The following EDN1 variants were observed in gnomAD, a reference collection of about 807,000 sequenced individuals.
EDN1 encodes the protein endothelin 1.
EDN1 carries 11 observed loss-of-function variants against 21.7 expected under a neutral mutation model. The observed-to-expected ratio is 0.51, with a 90% CI of 0.32 to 0.84. The LOEUF is 0.84. Ranked by LOEUF, EDN1 falls within the 40% of genes least tolerant of loss-of-function variation. The probability of loss-of-function intolerance (pLI) is 0.03; values close to 1 mark genes in which losing one functional copy is unlikely to be tolerated. For missense variants in EDN1, 244 were observed against 262.3 expected (o/e 0.93, Z 0.48); for synonymous variants, 85 against 90.6 (o/e 0.94, Z 0.35).
At chr6:12,292,780 A>G (rs1248221607) in intron 2 of EDN1, among the ~76,000 whole-genome samples, 2 of 152,174 alleles carry the variant, frequency 1.3e-5, no homozygotes, top group Admixed American at 6.5e-5. Flanking sequence ...AGGAACTTTC[A>G]GTGAGAGGGC....
At chr6:12,231,219 A>G in the EDN1 span, among the ~76,000 whole-genome samples, 5 of 152,208 alleles carry the variant, frequency 3.3e-5, no homozygotes, top group African/African-American at 1.2e-4. Flanking sequence ...GGAGTGGGTG[A>G]TTGAACACCA....
At chr6:12,256,903 T>C in the EDN1 span, among the ~76,000 whole-genome samples, 2 of 152,190 alleles carry the variant, frequency 1.3e-5, no homozygotes, top group Non-Finnish European at 2.9e-5. Flanking sequence ...ATGGTCCTGC[T>C]TGGAAATTCT....
At chr6:12,287,468 A>G (rs1212271387), upstream of EDN1, among the ~76,000 whole-genome samples, 1 of 151,834 alleles carries the variant, frequency 6.6e-6, no homozygotes, top group Non-Finnish European at 1.5e-5. Context: ...TTCTTGGGAA[A>G]ATGTCTTGCT....
At chr6:12,237,396 A>G in the EDN1 span, among the ~76,000 whole-genome samples, 1 of 152,238 alleles carries the variant, frequency 6.6e-6, no homozygotes, top group African/African-American at 2.4e-5. Context: ...GATAGTCCTG[A>G]GAAAGTGATA....
chr6:12,291,229 C>G (rs1451254839), intron 1 of EDN1, among the ~76,000 whole-genome samples: 2 of 45,908 alleles, frequency 4.4e-5, no homozygotes, highest in African/African-American at 1.2e-4. Context: ...CCCCCCCCCC[C>G]GCCACCACCC....
the EDN1 span, among the ~76,000 whole-genome samples, chr6:12,236,920 C>T: frequency 6.6e-6 from 1 of 151,812 alleles, no homozygotes; most frequent in Non-Finnish European, 1.5e-5. Flanking sequence ...TGGTGTGCTG[C>T]ACCCATTAAC....
At chr6:12,231,431 C>A in the EDN1 span, among the ~76,000 whole-genome samples, 2 of 152,206 alleles carry the variant, frequency 1.3e-5, no homozygotes, top group Non-Finnish European at 2.9e-5. Context: ...GAAATCCATT[C>A]AAGACACGTT....
the EDN1 span, among the ~76,000 whole-genome samples, chr6:12,243,242 G>T: frequency 1.4e-5 from 2 of 147,918 alleles, no homozygotes; most frequent in Non-Finnish European, 3.0e-5. Flanking sequence ...AGTGGAAGTG[G>T]ATCATCTTAA....
At position 12,292,351 on chromosome 6, in the gene EDN1, C is replaced by G. The variant is rs1278863137; in HGVS notation, c.75C>G (p.Gly25=). The G allele has an allele frequency of 1.2e-6, 2 of 1,614,018 alleles. No homozygotes were observed. Among genetic ancestry groups the G allele is most frequent in the East Asian group, 4.5e-5 (2 of 44,872 alleles). The part of the protein sequence containing the change: ...CQGAPETAVL[G]AELSAVGENG... ...TCTTTCTCTCCCCAGCAGTCTTAGGCGCTGAGCTCAGCGCGGTGGGTGAGA... is the reference window on the plus strand; with the variant it reads ...TCTTTCTCTCCCCAGCAGTCTTAGGGGCTGAGCTCAGCGCGGTGGGTGAGA... The change falls in exon 2 of 5, where the codon GGC becomes GGG. Residue 25 remains glycine, a synonymous_variant. Coordinates refer to ENST00000379375, the MANE Select transcript of EDN1 (RefSeq NM_001955.5).
the EDN1 span, among the ~76,000 whole-genome samples, chr6:12,272,452 C>CTTTTTTTTTTTTTTTTTTTTTT: frequency 9.4e-6 from 1 of 106,812 alleles, no homozygotes; most frequent in African/African-American, 3.7e-5. Context: ...GAGTCATACT[C>CTTTTTTTTTTTTTTTTTTTTTT]TTTTTTTTTT....
the EDN1 span, among the ~76,000 whole-genome samples, chr6:12,241,231 T>A: frequency 6.7e-6 from 1 of 150,322 alleles, no homozygotes; most frequent in Non-Finnish European, 1.5e-5. Context: ...AGTGGTGTGA[T>A]CTTGGCTCAC....
At chr6:12,280,814 A>T in the EDN1 span, among the ~76,000 whole-genome samples, 1 of 152,168 alleles carries the variant, frequency 6.6e-6, no homozygotes, top group Non-Finnish European at 1.5e-5. Flanking sequence ...AATCACTTGA[A>T]TCTGGGAGGC....
chr6:12,293,750 C>T (rs10478720), intron 2 of EDN1, among the ~76,000 whole-genome samples, 191 bp from the exon 3 acceptor site: 2,107 of 152,266 alleles, frequency 0.014, 25 homozygotes, highest in Non-Finnish European at 0.023. Flanking sequence ...TTTCTCCTGC[C>T]TGGATACATA....
chr6:12,292,407 C>T lies in EDN1; in HGVS notation c.131C>T (p.Pro44Leu), dbSNP rs1193581265. 1 of 1,614,132 alleles carries T rather than the reference C, an allele frequency of 6.2e-7. No homozygotes were observed. Among genetic ancestry groups the T allele is most frequent in the Admixed American group, 1.7e-5 (1 of 60,030 alleles). ...NGGEKPTPSPPWRLRRSKRCS... is the reference protein window; with the variant it reads ...NGGEKPTPSPLWRLRRSKRCS... ...GGGGAGAAACCCACTCCCAGTCCAC[C>T]CTGGCGGCTCCGCCGGTCCAAGCGC... is the stretch of plus-strand genomic sequence containing the variant. Residue 44 changes from proline (P) to leucine (L), a missense_variant, in exon 2 of 5, where the codon CCC becomes CTC. Transcript: ENST00000379375.
chr6:12,266,530 T>A, the EDN1 span, among the ~76,000 whole-genome samples: 1 of 152,290 alleles, frequency 6.6e-6, no homozygotes, highest in South Asian at 2.1e-4. Flanking sequence ...AGCCCAGTGA[T>A]GAGCACTAAG....
At chr6:12,272,863 T>A in the EDN1 span, among the ~76,000 whole-genome samples, 1 of 152,092 alleles carries the variant, frequency 6.6e-6, no homozygotes, top group Non-Finnish European at 1.5e-5. Context: ...GAATGTCAGG[T>A]GTGGACAGAA....
the EDN1 span, among the ~76,000 whole-genome samples, chr6:12,253,551 T>C: frequency 3.3e-5 from 5 of 152,174 alleles, no homozygotes; most frequent in African/African-American, 1.2e-4. Flanking sequence ...TTTTAGCTTA[T>C]GTAGAAGAGG....
At chr6:12,264,775 C>T in the EDN1 span, among the ~76,000 whole-genome samples, 3 of 152,022 alleles carry the variant, frequency 2.0e-5, no homozygotes, top group Non-Finnish European at 2.9e-5. Context: ...ATTCTCAGAG[C>T]CAGAAGATGG....
chr6:12,257,668 CAG>C, the EDN1 span, among the ~76,000 whole-genome samples: 1 of 114,314 alleles, frequency 8.7e-6, no homozygotes, highest in Admixed American at 8.1e-5. Flanking sequence ...AATTATGACA[CAG>C]TGTATTTTAA....
Sources: allele counts gnomAD v4.1 joint callset (sites outside exome capture counted in the v4.1 genomes callset), GRCh38; gene constraint gnomAD v4.1.1; transcripts MANE v1.5; gene names NCBI Gene and HGNC (gene_info 2026-07-23, HGNC 2026-07-21).